ZNF804A: variants seen among roughly 807,000 people sequenced by gnomAD.
The protein encoded by ZNF804A is zinc finger protein 804A.
In ZNF804A, 2 loss-of-function variants were observed where a neutral mutation model predicts 16.5. The ratio of observed to expected loss-of-function variants is 0.12; its 90% confidence interval spans 0.05 to 0.38. The LOEUF (loss-of-function observed/expected upper bound fraction) is 0.38, where lower values mean the gene tolerates loss of function less well. Among genes scored for constraint, ZNF804A ranks in the 10% least tolerant of loss-of-function variants. The pLI is 0.99. For synonymous variants in ZNF804A, 534 were observed against 489.6 expected (o/e 1.09, Z -1.20); for missense variants, 1,473 against 1,390.7 (o/e 1.06, Z -0.94).
chr2:184,698,131 C>G (rs1271547511), intron 1 of ZNF804A, among the ~76,000 whole-genome samples: 1 of 151,966 alleles, frequency 6.6e-6, no homozygotes, highest in Non-Finnish European at 1.5e-5. Flanking sequence ...CTAATTCATT[C>G]AAAATGGGGA....
chr2:184,649,048 A>G (rs1305799113), intron 1 of ZNF804A, among the ~76,000 whole-genome samples: 2 of 152,250 alleles, frequency 1.3e-5, no homozygotes, highest in East Asian at 3.9e-4. Flanking sequence ...GCAAGTCTCA[A>G]TAAGTTAAAA....
intron 1 of ZNF804A, among the ~76,000 whole-genome samples, chr2:184,713,533 G>T (rs1056955240): frequency 2.6e-5 from 4 of 151,846 alleles, no homozygotes; most frequent in Non-Finnish European, 4.4e-5. Flanking sequence ...CTACATAGTT[G>T]TACTTGTATT....
At chr2:184,889,716 A>G (rs962342605) in intron 2 of ZNF804A, among the ~76,000 whole-genome samples, 4 of 151,900 alleles carry the variant, frequency 2.6e-5, no homozygotes, top group Non-Finnish European at 5.9e-5. Context: ...TAGGAAAATC[A>G]TTGTCACTGC....
chr2:184,884,646 G>A (rs949249478), intron 2 of ZNF804A, among the ~76,000 whole-genome samples: 7 of 151,878 alleles, frequency 4.6e-5, no homozygotes, highest in African/African-American at 1.7e-4. Flanking sequence ...CAGAAATAAT[G>A]CTGCACATGT....
intron 1 of ZNF804A, among the ~76,000 whole-genome samples, chr2:184,658,419 G>A (rs949599938): frequency 1.3e-5 from 2 of 152,202 alleles, no homozygotes; most frequent in Non-Finnish European, 2.9e-5. Context: ...GTTGCAGTGA[G>A]CCAAGATTGT....
At chr2:184,790,576 C>T (rs181927211) in intron 1 of ZNF804A, among the ~76,000 whole-genome samples, 1 of 151,518 alleles carries the variant, frequency 6.6e-6, no homozygotes, top group East Asian at 1.9e-4. Flanking sequence ...TGTATTCAAA[C>T]CTTTATTCTT....
chr2:184,723,917 A>C (rs570506634), intron 1 of ZNF804A, among the ~76,000 whole-genome samples: 1 of 151,846 alleles, frequency 6.6e-6, no homozygotes, highest in South Asian at 2.1e-4. Flanking sequence ...GGATTTTAAA[A>C]ATCTCTTTTA....
intron 1 of ZNF804A, among the ~76,000 whole-genome samples, chr2:184,820,736 A>T (rs1695064768): frequency 2.0e-5 from 3 of 152,114 alleles, no homozygotes; most frequent in Non-Finnish European, 4.4e-5. Flanking sequence ...ATACAAAATA[A>T]ATGTGCAAAA....
intron 2 of ZNF804A, among the ~76,000 whole-genome samples, chr2:184,917,261 T>C (rs1201845694): frequency 6.6e-6 from 1 of 152,172 alleles, no homozygotes; most frequent in Admixed American, 6.6e-5. Flanking sequence ...CTGTCTAACA[T>C]GATACAGCTA....
intron 1 of ZNF804A, among the ~76,000 whole-genome samples, chr2:184,764,205 ATT>A (rs149141232): frequency 6.7e-6 from 1 of 149,610 alleles, no homozygotes; most frequent in East Asian, 2.0e-4. Flanking sequence ...ACTTTTATTC[ATT>A]TTTTTTTTCT....
chr2:184,723,212 C>T (rs1247601256), intron 1 of ZNF804A, among the ~76,000 whole-genome samples: 1 of 151,554 alleles, frequency 6.6e-6, no homozygotes, highest in African/African-American at 2.4e-5. Context: ...ATGCTTAAAG[C>T]AATGATATAT....
At chr2:184,739,949 A>T (rs1693689211) in intron 1 of ZNF804A, among the ~76,000 whole-genome samples, 1 of 152,208 alleles carries the variant, frequency 6.6e-6, no homozygotes, top group African/African-American at 2.4e-5. Flanking sequence ...TCTTCAAAAA[A>T]ATTAACTCAG....
chr2:184,609,132 A>T (rs1691197136), intron 1 of ZNF804A, among the ~76,000 whole-genome samples: 1 of 152,198 alleles, frequency 6.6e-6, no homozygotes, highest in South Asian at 2.1e-4. Flanking sequence ...TCAGGTAATG[A>T]GGAAGAATTT....
intron 2 of ZNF804A, 40 bp downstream of exon 2, chr2:184,866,552 T>G (rs983124862): frequency 6.4e-7 from 1 of 1,571,100 alleles, no homozygotes. Context: ...ATTTCTGGAC[T>G]TGTGTAATAG....
chr2:184,634,581 A>G (rs1359224291), intron 1 of ZNF804A, among the ~76,000 whole-genome samples: 3 of 152,086 alleles, frequency 2.0e-5, no homozygotes, highest in Non-Finnish European at 4.4e-5. Flanking sequence ...GAGAAAAGGA[A>G]AAGGGAGAGA....
intron 1 of ZNF804A, among the ~76,000 whole-genome samples, chr2:184,821,085 C>A (rs868651081): frequency 6.6e-6 from 1 of 151,982 alleles, no homozygotes; most frequent in Non-Finnish European, 1.5e-5. Context: ...TCATATGGAA[C>A]CAAGAAAGAG....
rs144906545 is a variant in ZNF804A, at chr2:184,880,511, A to G, written c.255+13999A>G. On this transcript the variant is annotated intron_variant, in intron 2 of 3. Transcript: ENST00000302277. The stretch of plus-strand genomic sequence containing the variant: ...GGGAGAAGTTATAATATAGGCAAAC[A>G]CAAGTTATTGTGTAACCTAGTATCA... 2.1e-3 allele frequency among the ~76,000 whole-genome samples: 326 copies of G among 152,246 alleles called. 1 individual carries two copies. The highest frequency in any genetic ancestry group is 6.8e-3 in the Middle Eastern group (2 of 292).
At chr2:184,599,149 G>A (rs528454400) in intron 1 of ZNF804A, 79 bp downstream of exon 1, 590 of 1,161,426 alleles carry the variant, frequency 5.1e-4, no homozygotes, top group Admixed American at 6.7e-4. Context: ...GAGGTTTTGA[G>A]ATTCAGTTTG....
At chr2:184,814,440 T>C (rs1694947991) in intron 1 of ZNF804A, among the ~76,000 whole-genome samples, 1 of 152,026 alleles carries the variant, frequency 6.6e-6, no homozygotes, top group African/African-American at 2.4e-5. Flanking sequence ...TACAACTCTA[T>C]TACTTGTTAG....
Sources: allele counts gnomAD v4.1 joint callset (sites outside exome capture counted in the v4.1 genomes callset), GRCh38; gene constraint gnomAD v4.1.1; transcripts MANE v1.5; gene names NCBI Gene and HGNC (gene_info 2026-07-23, HGNC 2026-07-21).